GTF2F2: variants seen among roughly 807,000 people sequenced by gnomAD.
GTF2F2 encodes general transcription factor IIF subunit 2.
GTF2F2 carries 23 observed loss-of-function variants against 42.2 expected under a neutral mutation model. That is an observed-to-expected ratio of 0.55 (90% CI 0.39 to 0.77). GTF2F2 has a LOEUF of 0.77. GTF2F2 is among the 30% of genes least tolerant of loss of function. The probability of loss-of-function intolerance (pLI) is 0.00; values close to 1 mark genes in which losing one functional copy is unlikely to be tolerated. For missense variants in GTF2F2, 261 were observed against 287.2 expected (o/e 0.91, Z 0.66); for synonymous variants, 105 against 100.8 (o/e 1.04, Z -0.25).
chr13:45,159,856 A>G (rs1353900227), intron 4 of GTF2F2, among the ~76,000 whole-genome samples: 1 of 152,218 alleles, frequency 6.6e-6, no homozygotes, highest in Non-Finnish European at 1.5e-5. Flanking sequence ...GGGGAATATC[A>G]TATCAGGTAT....
chr13:45,212,455 C>CTTTCTTTTCTT (rs71184403), intron 5 of GTF2F2, among the ~76,000 whole-genome samples: 3 of 96,594 alleles, frequency 3.1e-5, no homozygotes, highest in Non-Finnish European at 6.4e-5. Context: ...TTGTTTCTTT[C>CTTTCTTTTCTT]TTTCTTTCTT....
intron 5 of GTF2F2, among the ~76,000 whole-genome samples, chr13:45,249,209 G>A (rs183543668): frequency 1.3e-5 from 2 of 152,216 alleles, no homozygotes; most frequent in African/African-American, 2.4e-5. Flanking sequence ...TATTTTAAAC[G>A]ATTCAAAGCG....
In GTF2F2 at chr13:45,207,466, G is replaced by A. The variant is rs1223308223; in HGVS notation, c.347G>A (p.Cys116Tyr). The A allele has an allele frequency of 2.5e-6, 4 of 1,611,646 alleles. No individual in the cohort carries two copies. The South Asian group carries it at 3.3e-5, about 13-fold the overall frequency. ...LEGIVVQRAE[C>Y]RPAASENYMR... ...GGAATAGTGGTACAAAGAGCTGAAT[G>A]CCGACCAGCTGCCAGTGAAAACTAC... The change falls in exon 5 of 8, where the codon TGC becomes TAC. Residue 116 changes from cysteine (C) to tyrosine (Y), a missense_variant. Cys to Tyr is a radical substitution (Grantham distance 194). Coordinates refer to ENST00000340473, the MANE Select transcript of GTF2F2 (RefSeq NM_004128.3).
At chr13:45,156,408 A>G (rs139530994) in intron 4 of GTF2F2, among the ~76,000 whole-genome samples, 12 of 152,342 alleles carry the variant, frequency 7.9e-5, no homozygotes, top group South Asian at 2.1e-4. Flanking sequence ...CAAGGATCCA[A>G]TTCTTCACTT....
At chr13:45,203,454 T>C (rs1019782522) in intron 4 of GTF2F2, among the ~76,000 whole-genome samples, 4 of 152,202 alleles carry the variant, frequency 2.6e-5, no homozygotes, top group Admixed American at 6.5e-5. Flanking sequence ...ACTGTGAAAC[T>C]ATCTAAATGC....
At chr13:45,261,193 G>T (rs961115247) in intron 6 of GTF2F2, among the ~76,000 whole-genome samples, 31 of 152,116 alleles carry the variant, frequency 2.0e-4, no homozygotes, top group African/African-American at 7.5e-4. Context: ...TTGGGAAGCC[G>T]CAGTGGGCGG....
At chr13:45,262,338 C>T (rs1326285657) in intron 6 of GTF2F2, among the ~76,000 whole-genome samples, 1 of 152,164 alleles carries the variant, frequency 6.6e-6, no homozygotes, top group Non-Finnish European at 1.5e-5. Context: ...CACACCACTG[C>T]ACTCTAGTCT....
At chr13:45,140,468 G>A (rs867607071) in intron 2 of GTF2F2, among the ~76,000 whole-genome samples, 1 of 152,146 alleles carries the variant, frequency 6.6e-6, no homozygotes, top group South Asian at 2.1e-4. Context: ...CTTTGTACAA[G>A]TCACTGAATC....
At chr13:45,191,033 G>A (rs573385365) in intron 4 of GTF2F2, among the ~76,000 whole-genome samples, 6 of 149,822 alleles carry the variant, frequency 4.0e-5, no homozygotes, top group African/African-American at 9.8e-5. Flanking sequence ...GAAAAGTCTC[G>A]TGTTTCATTT....
At chr13:45,270,923 C>T (rs1385015460) in intron 7 of GTF2F2, among the ~76,000 whole-genome samples, 1 of 152,238 alleles carries the variant, frequency 6.6e-6, no homozygotes, top group Admixed American at 6.5e-5. Context: ...CTTCAACACT[C>T]TGTTTTCTAT....
intron 4 of GTF2F2, among the ~76,000 whole-genome samples, chr13:45,155,472 T>A (rs191762887): frequency 6.6e-6 from 1 of 152,250 alleles, no homozygotes; most frequent in Non-Finnish European, 1.5e-5. Flanking sequence ...CTCCTGTTAA[T>A]GTGATTTTGC....
At chr13:45,214,205 C>T (rs1873803306) in intron 5 of GTF2F2, among the ~76,000 whole-genome samples, 5 of 152,112 alleles carry the variant, frequency 3.3e-5, no homozygotes. Flanking sequence ...TCTTACAGCT[C>T]TCTGCTGTTA....
chr13:45,266,693 T>C (rs1876574374), intron 6 of GTF2F2, among the ~76,000 whole-genome samples: 1 of 152,204 alleles, frequency 6.6e-6, no homozygotes, highest in Non-Finnish European at 1.5e-5. Context: ...CATTATGCAT[T>C]ACATAAAGCT....
intron 6 of GTF2F2, among the ~76,000 whole-genome samples, chr13:45,260,238 A>C (rs967292683): frequency 2.0e-5 from 3 of 152,170 alleles, no homozygotes; most frequent in South Asian, 2.1e-4. Context: ...TCTATGCATA[A>C]ATTTGAATTT....
intron 5 of GTF2F2, among the ~76,000 whole-genome samples, chr13:45,245,010 A>G (rs1002975357): frequency 1.3e-5 from 2 of 152,196 alleles, no homozygotes; most frequent in South Asian, 2.1e-4. Context: ...GAAGCTTTCT[A>G]CATCAGATGT....
chr13:45,228,185 G>T (rs1410051439), intron 5 of GTF2F2, among the ~76,000 whole-genome samples: 1 of 150,914 alleles, frequency 6.6e-6, no homozygotes, highest in East Asian at 1.9e-4. Context: ...TAACCGACGG[G>T]CACTGAGCAG....
chr13:45,236,490 T>TACACACACACACACACACAC (rs3047056), intron 5 of GTF2F2, among the ~76,000 whole-genome samples: 6 of 142,036 alleles, frequency 4.2e-5, no homozygotes, highest in African/African-American at 1.5e-4. Context: ...CCGCCACACA[T>TACACACACACACACACACAC]ACACACACAC....
At chr13:45,212,447 G>GTTTCTTTCCTTCTTTTCT (rs1873692157) in intron 5 of GTF2F2, among the ~76,000 whole-genome samples, 1 of 45,678 alleles carries the variant, frequency 2.2e-5, no homozygotes, top group African/African-American at 9.6e-5. Context: ...TTTCTTTCTT[G>GTTTCTTTCCTTCTTTTCT]TTTCTTTCTT....
intron 4 of GTF2F2, chr13:45,194,345 C>T: frequency 1.2e-6 from 2 of 1,614,114 alleles, no homozygotes; most frequent in East Asian, 2.2e-5. Context: ...AAATAATGAC[C>T]ATCAGCATCA....
Sources: gnomAD v4.1 joint callset for allele counts (sites outside exome capture counted in the v4.1 genomes callset) on GRCh38, gnomAD v4.1.1 for gene constraint, MANE v1.5 for transcripts, NCBI Gene and HGNC (gene_info 2026-07-23, HGNC 2026-07-21) for gene names.